Variants in MYO9A observed in about 807,000 individuals in gnomAD.
MYO9A encodes the protein unconventional myosin-IXa.
In MYO9A, 103 loss-of-function variants were observed where a neutral mutation model predicts 293.3. The ratio of observed to expected loss-of-function variants is 0.35; its 90% CI spans 0.30 to 0.41. MYO9A has a LOEUF of 0.41. Ranked by LOEUF, MYO9A falls within the 10% of genes least tolerant of loss-of-function variation. The probability of loss-of-function intolerance (pLI) is 1.00; values close to 1 mark genes in which losing one functional copy is unlikely to be tolerated. For missense variants in MYO9A, 2,685 were observed against 3,033.0 expected (o/e 0.89, Z 2.69); for synonymous variants, 1,001 against 1,035.7 (o/e 0.97, Z 0.64).
rs369446662 is a variant in MYO9A at position 71,854,500 on chromosome 15, C to T, written c.6223G>A (p.Val2075Ile). The T allele has an allele frequency of 1.2e-6, 2 of 1,613,636 alleles. No homozygotes were observed. The highest frequency in any genetic ancestry group is 8.5e-7 in the Non-Finnish European group (1 of 1,179,738). Reference protein sequence around the residue: ...LSRLTSEDRTVPLVVEKLINY... With the variant: ...LSRLTSEDRTIPLVVEKLINY... ...ATGAGCTTTTCCACTACTAAAGGAACAGTTCGGTCTTCACTGGTCAAACGG... is the reference window on the plus strand; with the variant it reads ...ATGAGCTTTTCCACTACTAAAGGAATAGTTCGGTCTTCACTGGTCAAACGG... Residue 2075 changes from valine to isoleucine, a missense_variant, in exon 35 of 42, where the codon GTT becomes ATT. This residue lies in a region of MYO9A where 238 missense variants were observed against 269.1 expected (regional missense o/e 0.88). Transcript: ENST00000356056.
At position 71,825,035 on chromosome 15, in the gene MYO9A, G is replaced by GCATGTAGTAGC. The variant is rs1214591282; in HGVS notation, c.*1534_*1544dup. The GCATGTAGTAGC allele has an allele frequency of 1.3e-5, 2 of 152,198 alleles. No individual in the cohort carries two copies. Among genetic ancestry groups the GCATGTAGTAGC allele is most frequent in the African/African-American group, 4.8e-5 (2 of 41,462 alleles). 9.4% of individuals were successfully genotyped at this position (152,198 alleles called of 1,614,324 possible). A position where few individuals can be genotyped will look rare whatever the true frequency, so the allele number is the denominator to read the frequency against. On this transcript the variant is annotated 3_prime_UTR_variant, in exon 42 of 42. Transcript: ENST00000356056. Reference sequence around the variant, plus strand: ...GGTAAAGGCTCTTTTTCAGAGCAGTGCATGTAGTAGCAAGACAAGATGCAT... The same window carrying GCATGTAGTAGC: ...GGTAAAGGCTCTTTTTCAGAGCAGTGCATGTAGTAGCCATGTAGTAGCAAGACAAGATGCAT...
chr15:71,865,394 AAAC>A (rs2056288918), intron 32 of MYO9A, among the ~76,000 whole-genome samples: 1 of 152,246 alleles, frequency 6.6e-6, no homozygotes, highest in South Asian at 2.1e-4. Flanking sequence ...CAAAAAGTAG[AAAC>A]AACTGAAATG....
At chr15:71,849,770 T>C (rs2055555588) in intron 38 of MYO9A, among the ~76,000 whole-genome samples, 1 of 152,082 alleles carries the variant, frequency 6.6e-6, no homozygotes. Context: ...CATAATTTGG[T>C]AAAATGGAAA....
chr15:72,069,804 T>C (rs2079128570), intron 1 of MYO9A, among the ~76,000 whole-genome samples: 1 of 147,730 alleles, frequency 6.8e-6, no homozygotes, highest in Non-Finnish European at 1.5e-5. Context: ...GACTTTCAAT[T>C]AGAATGGGGG....
chr15:71,841,810 G>GTTTTTTTTTTGT (rs113118580), intron 39 of MYO9A, among the ~76,000 whole-genome samples: 6 of 144,648 alleles, frequency 4.1e-5, no homozygotes, highest in African/African-American at 1.5e-4. Context: ...TTTTTTTTTT[G>GTTTTTTTTTTGT]TTTTTTTTGT....
At position 71,823,720 on chromosome 15, in the gene MYO9A, T is replaced by C. The variant is rs2054359034; in HGVS notation, c.*2860A>G. On this transcript the variant is annotated 3_prime_UTR_variant, in exon 42 of 42. Transcript: ENST00000356056. ...GATACATTCACTTTAATGGGCAGAG[T>C]TGAAAATTCAGGTTTTGTTTGGGGC... is the stretch of plus-strand genomic sequence containing the variant. 6.6e-6 allele frequency: 1 copy of C among 152,128 alleles called. No individual in the cohort carries two copies. The highest frequency in any genetic ancestry group is 6.5e-5 in the Admixed American group (1 of 15,276). 9.4% of individuals were successfully genotyped at this position (152,128 alleles called of 1,614,324 possible).
intron 34 of MYO9A, among the ~76,000 whole-genome samples, chr15:71,855,652 A>C (rs1596037547): frequency 2.0e-5 from 3 of 152,050 alleles, no homozygotes; most frequent in Admixed American, 2.0e-4. Flanking sequence ...CCTGCATCCA[A>C]CCAGTTGCCA....
chr15:71,877,680 A>T (rs915838431), intron 31 of MYO9A, among the ~76,000 whole-genome samples: 23 of 151,982 alleles, frequency 1.5e-4, no homozygotes, highest in South Asian at 6.2e-4. Context: ...CTGGTCTCGA[A>T]CTCCTGATTT....
At chr15:72,009,212 C>T (rs2077103895) in intron 7 of MYO9A, among the ~76,000 whole-genome samples, 1 of 152,076 alleles carries the variant, frequency 6.6e-6, no homozygotes, top group African/African-American at 2.4e-5. Flanking sequence ...TAGAAATTCA[C>T]TAATTTTCAT....
At chr15:72,016,496 G>A (rs777239210) in intron 6 of MYO9A, among the ~76,000 whole-genome samples, 1 of 152,066 alleles carries the variant, frequency 6.6e-6, no homozygotes, top group Non-Finnish European at 1.5e-5. Context: ...ACAATTCCAC[G>A]AAATACATAA....
intron 15 of MYO9A, chr15:71,950,443 T>G (rs1479366347): frequency 6.6e-6 from 1 of 152,186 alleles, no homozygotes; most frequent in Non-Finnish European, 1.5e-5. Context: ...ATTTAAGAGT[T>G]AATAGAAATT....
At chr15:72,034,252 TGAG>T (rs1047841167) in intron 2 of MYO9A, among the ~76,000 whole-genome samples, 2 of 152,218 alleles carry the variant, frequency 1.3e-5, no homozygotes, top group African/African-American at 4.8e-5. Context: ...TGAGAAACTC[TGAG>T]GATAAGGTCC....
intron 10 of MYO9A, chr15:71,993,815 C>T (rs2076612773): frequency 6.6e-6 from 1 of 152,048 alleles, no homozygotes; most frequent in South Asian, 2.1e-4. Flanking sequence ...ACTAAAAATA[C>T]AAAAATGAGC....
chr15:72,043,958 G>T (rs1424730479), intron 2 of MYO9A, among the ~76,000 whole-genome samples: 2 of 141,414 alleles, frequency 1.4e-5, no homozygotes, highest in Non-Finnish European at 1.5e-5. Context: ...TTTTAAATTG[G>T]CAAGCAAAAA....
intron 32 of MYO9A, among the ~76,000 whole-genome samples, chr15:71,865,196 T>A (rs185313092): frequency 1.3e-5 from 2 of 152,212 alleles, no homozygotes; most frequent in Non-Finnish European, 2.9e-5. Flanking sequence ...ATTTGAATTT[T>A]TGCTTGAATA....
At chr15:71,932,978 C>CA (rs2058521609) in intron 18 of MYO9A, among the ~76,000 whole-genome samples, 2 of 150,628 alleles carry the variant, frequency 1.3e-5, no homozygotes, top group South Asian at 4.2e-4. Flanking sequence ...ACAAACAAAG[C>CA]AAAATGAAAC....
chr15:71,955,878 T>G (rs1055051930), intron 14 of MYO9A, among the ~76,000 whole-genome samples: 23 of 152,178 alleles, frequency 1.5e-4, no homozygotes. Context: ...AGGCAAACAC[T>G]AATCTAAGTT....
intron 1 of MYO9A, among the ~76,000 whole-genome samples, chr15:72,100,529 G>A (rs984182942): frequency 5.4e-5 from 8 of 147,130 alleles, no homozygotes; most frequent in South Asian, 2.1e-4. Flanking sequence ...GCCTCTTTCC[G>A]GCCGCCATCA....
chr15:71,981,357 T>A (rs1344066704), intron 11 of MYO9A, among the ~76,000 whole-genome samples: 3 of 152,218 alleles, frequency 2.0e-5, no homozygotes, highest in Non-Finnish European at 4.4e-5. Context: ...AGACTGACAC[T>A]CTTTCTTCTT....
Sources: allele counts gnomAD v4.1 joint callset (sites outside exome capture counted in the v4.1 genomes callset), GRCh38; gene constraint gnomAD v4.1.1; regional missense constraint gnomAD v4.1.1; transcripts MANE v1.5; gene names NCBI Gene and HGNC (gene_info 2026-07-23, HGNC 2026-07-21).